Variants in AGBL4 observed in about 807,000 individuals in gnomAD.
AGBL4 encodes the protein AGBL carboxypeptidase 4.
Under a neutral mutation model 66.4 loss-of-function variants are expected in AGBL4, and 58 were observed. The ratio of observed to expected loss-of-function variants is 0.87; its 90% CI spans 0.71 to 1.09. The LOEUF (loss-of-function observed/expected upper bound fraction) is 1.09. AGBL4 is among the 50% of genes least tolerant of loss of function. AGBL4 has a pLI of 0.00. For synonymous variants in AGBL4, 234 were observed against 222.9 expected (o/e 1.05, Z -0.44); for missense variants, 579 against 631.0 (o/e 0.92, Z 0.88).
intron 5 of AGBL4, among the ~76,000 whole-genome samples, chr1:48,980,818 C>T (rs1478192050): frequency 7.1e-6 from 1 of 140,352 alleles, no homozygotes; most frequent in East Asian, 2.3e-4. Context: ...CTTCAACTAA[C>T]CACTCTATGT....
rs958302034 is a variant in AGBL4, at chr1:48,658,552, G to A, written c.724+4600C>T. 1.1e-4 allele frequency among the ~76,000 whole-genome samples: 17 copies of A among 152,184 alleles called. 1 individual carries two copies. Among genetic ancestry groups the A allele is most frequent in the African/African-American group, 4.1e-4 (17 of 41,424 alleles). On this transcript the variant is annotated intron_variant, in intron 7 of 13. Coordinates refer to ENST00000371839, the MANE Select transcript of AGBL4 (RefSeq NM_032785.4). ...GGCCCTGATGACCTTAAAGTTCACG[G>A]AGTATAAGTCCTCACCCTCCTGCCC...
intron 3 of AGBL4, among the ~76,000 whole-genome samples, chr1:49,312,015 A>G (rs1644949386): frequency 6.6e-6 from 1 of 152,102 alleles, no homozygotes; most frequent in Non-Finnish European, 1.5e-5. Flanking sequence ...AAATTTAAAA[A>G]TAAAACTTTT....
intron 3 of AGBL4, among the ~76,000 whole-genome samples, chr1:49,677,556 C>T (rs903103827): frequency 6.6e-6 from 1 of 152,050 alleles, no homozygotes; most frequent in South Asian, 2.1e-4. Context: ...ATCTTTTTAA[C>T]TTGCACTCTC....
intron 3 of AGBL4, among the ~76,000 whole-genome samples, chr1:49,445,366 T>C (rs1366861528): frequency 1.3e-5 from 2 of 152,262 alleles, no homozygotes. Context: ...CTAAATCTCC[T>C]GTATCTGAAT....
At chr1:48,616,494 G>A (rs1645320560) in intron 9 of AGBL4, among the ~76,000 whole-genome samples, 1 of 152,162 alleles carries the variant, frequency 6.6e-6, no homozygotes, top group South Asian at 2.1e-4. Context: ...ATGAAGCACA[G>A]CGCACTGCAA....
chr1:49,517,497 G>T (rs1018197492), intron 3 of AGBL4, among the ~76,000 whole-genome samples: 3 of 151,866 alleles, frequency 2.0e-5, no homozygotes, highest in Non-Finnish European at 4.4e-5. Flanking sequence ...AAGAATGAGG[G>T]TCAGAGAAGC....
At chr1:49,893,949 C>T (rs1428333804) in intron 1 of AGBL4, among the ~76,000 whole-genome samples, 1 of 152,182 alleles carries the variant, frequency 6.6e-6, no homozygotes, top group African/African-American at 2.4e-5. Flanking sequence ...AGGTCTCACT[C>T]AGCACACTCC....
At chr1:49,586,087 T>C (rs1258633040) in intron 3 of AGBL4, among the ~76,000 whole-genome samples, 1 of 152,178 alleles carries the variant, frequency 6.6e-6, no homozygotes, top group Non-Finnish European at 1.5e-5. Flanking sequence ...CAAATATTTA[T>C]GGAAAATGTA....
chr1:49,781,401 A>G (rs1193017917), intron 2 of AGBL4, among the ~76,000 whole-genome samples: 1 of 152,158 alleles, frequency 6.6e-6, no homozygotes, highest in Non-Finnish European at 1.5e-5. Flanking sequence ...GTCTCTTAAA[A>G]AAACAATATT....
chr1:49,419,748 TA>T (rs1028060185), intron 3 of AGBL4, among the ~76,000 whole-genome samples: 1 of 152,170 alleles, frequency 6.6e-6, no homozygotes, highest in African/African-American at 2.4e-5. Flanking sequence ...CCCTGTGAAC[TA>T]AAATGGTTAC....
At chr1:49,380,541 A>G (rs1038552626) in intron 3 of AGBL4, among the ~76,000 whole-genome samples, 2 of 152,090 alleles carry the variant, frequency 1.3e-5, no homozygotes, top group African/African-American at 4.8e-5. Context: ...CGCCAAGTCA[A>G]TCCTAAGCCA....
At chr1:49,235,085 G>T (rs1243214334) in intron 4 of AGBL4, among the ~76,000 whole-genome samples, 1 of 152,178 alleles carries the variant, frequency 6.6e-6, no homozygotes, top group Non-Finnish European at 1.5e-5. Context: ...ACTCATTCTT[G>T]TATAGTAGTT....
rs531359051 is a variant in AGBL4 at position 49,864,877 on chromosome 1, C to T, written c.35-13359G>A. Among the ~76,000 whole-genome samples, 7 of 152,310 alleles carry T rather than the reference C, an allele frequency of 4.6e-5. No homozygotes were observed. The East Asian group carries it at 9.7e-4, about 21-fold the overall frequency. Reference sequence around the variant, plus strand: ...ACTGAGCTGCTGGGGCGAGGGGAGGCGGCCATCACTGCAGCTCCAGTCTGC... The same window carrying T: ...ACTGAGCTGCTGGGGCGAGGGGAGGTGGCCATCACTGCAGCTCCAGTCTGC... On this transcript the variant is annotated intron_variant, in intron 1 of 13. Transcript: ENST00000371839.
intron 6 of AGBL4, among the ~76,000 whole-genome samples, chr1:48,824,947 T>C (rs1646393695): frequency 6.6e-6 from 1 of 152,224 alleles, no homozygotes; most frequent in Non-Finnish European, 1.5e-5. Context: ...TGAGCCTCAG[T>C]TTCTCCATTT....
At chr1:49,168,463 C>G (rs1646673563) in intron 4 of AGBL4, among the ~76,000 whole-genome samples, 1 of 152,176 alleles carries the variant, frequency 6.6e-6, no homozygotes, top group Admixed American at 6.5e-5. Flanking sequence ...GATCACCTGG[C>G]ACCAACCACA....
At chr1:49,190,005 A>T (rs953442725) in intron 4 of AGBL4, among the ~76,000 whole-genome samples, 1 of 152,202 alleles carries the variant, frequency 6.6e-6, no homozygotes, top group Non-Finnish European at 1.5e-5. Flanking sequence ...AAGACTAGAG[A>T]TATTAGCTGT....
At chr1:49,176,261 T>C (rs1646829632) in intron 4 of AGBL4, among the ~76,000 whole-genome samples, 1 of 152,146 alleles carries the variant, frequency 6.6e-6, no homozygotes, top group Non-Finnish European at 1.5e-5. Context: ...ATTAACTGTA[T>C]TCAAGGTCTT....
At chr1:49,574,144 G>C (rs1302629492) in intron 3 of AGBL4, among the ~76,000 whole-genome samples, 1 of 152,188 alleles carries the variant, frequency 6.6e-6, no homozygotes, top group African/African-American at 2.4e-5. Flanking sequence ...GAACAATGAT[G>C]AGGTGTGCTA....
chr1:48,799,345 G>T (rs930312053), intron 6 of AGBL4, among the ~76,000 whole-genome samples: 2 of 152,142 alleles, frequency 1.3e-5, no homozygotes, highest in Non-Finnish European at 2.9e-5. Context: ...CATTGATTTT[G>T]TATCCTGAAA....
Sources: allele counts gnomAD v4.1 joint callset (sites outside exome capture counted in the v4.1 genomes callset), GRCh38; gene constraint gnomAD v4.1.1; transcripts MANE v1.5; gene names NCBI Gene and HGNC (gene_info 2026-07-23, HGNC 2026-07-21).